NUP188: variants seen among roughly 807,000 people sequenced by gnomAD.
NUP188 encodes nucleoporin 188.
Under a neutral mutation model 223.0 loss-of-function variants are expected in NUP188, and 97 were observed. The ratio of observed to expected loss-of-function variants is 0.43; its 90% CI spans 0.37 to 0.51. The LOEUF is 0.51. NUP188 is among the 20% of genes least tolerant of loss of function. The pLI is 0.00. For missense variants in NUP188, 1,947 were observed against 2,175.6 expected, an observed-to-expected ratio of 0.89 and a Z score of 2.09; for synonymous variants, 869 against 828.0, an observed-to-expected ratio of 1.05 and a Z score of -0.85.
intron 8 of NUP188, among the ~76,000 whole-genome samples, chr9:128,963,360 A>AC (rs1460708727): frequency 1.4e-5 from 2 of 145,326 alleles, no homozygotes; most frequent in African/African-American, 2.6e-5. Context: ...ATTTCGACTC[A>AC]CTGCAACCTC....
chr9:128,980,829 A>G lies in NUP188; in HGVS notation c.1389+104A>G. 4.9e-6 allele frequency: 6 copies of G among 1,222,470 alleles called. No individual in the cohort carries two copies. The South Asian group carries it at 8.8e-5, about 18-fold the overall frequency. 75.7% of individuals were successfully genotyped at this position (1,222,470 alleles called of 1,614,324 possible). A position where few individuals can be genotyped will look rare whatever the true frequency, so the allele number is the denominator to read the frequency against. On this transcript the variant is annotated intron_variant, in intron 14 of 43. Coordinates refer to ENST00000372577, the MANE Select transcript of NUP188 (RefSeq NM_015354.3). Reference sequence around the variant, plus strand: ...ACATTGCAGTTCTACTGCCATGACAAAAGTTTGTCTGAAGGTGAATGAAAG... The same window carrying G: ...ACATTGCAGTTCTACTGCCATGACAGAAGTTTGTCTGAAGGTGAATGAAAG...
At chr9:128,986,946 G>A (rs993970662) in intron 22 of NUP188, 71 bp downstream of exon 22, 18 of 1,352,414 alleles carry the variant, frequency 1.3e-5, no homozygotes, top group East Asian at 4.6e-5. Flanking sequence ...GTGCAAAGCC[G>A]TCTCAGTTCT....
rs749678344 is a variant in NUP188 at position 128,969,532 on chromosome 9, C to CT, written c.912+26dup. 6.3e-5 allele frequency: 88 copies of CT among 1,393,350 alleles called. No homozygotes were observed. The highest frequency in any genetic ancestry group is 7.5e-5 in the East Asian group (3 of 40,240). 86.3% of individuals were successfully genotyped at this position (1,393,350 alleles called of 1,614,324 possible). The stretch of plus-strand genomic sequence containing the variant: ...TTTGTCAGGTGACTTGGAATAGCCT[C>CT]TTTTTTTTCAGAGGGTTTATAAGTT... On this transcript the variant is annotated intron_variant, in intron 10 of 43. Transcript: ENST00000372577.
intron 3 of NUP188, 37 bp downstream of exon 3, chr9:128,952,883 C>T: frequency 4.0e-6 from 6 of 1,510,436 alleles, no homozygotes; most frequent in Non-Finnish European, 5.5e-6. Flanking sequence ...AAGTAATTGT[C>T]CTAAGGAAGC....
Position 128,980,721 on chromosome 9 carries a change from A to G in NUP188, c.1385A>G (p.Lys462Arg), listed in dbSNP as rs777074765. The G allele has an allele frequency of 6.2e-7, 1 of 1,613,886 alleles. No individual in the cohort carries two copies. Among genetic ancestry groups the G allele is most frequent in the Non-Finnish European group, 8.5e-7 (1 of 1,179,930 alleles). Residue 462 changes from lysine (K) to arginine (R), a missense_variant, in exon 14 of 44, where the codon AAA becomes AGA. Around this residue, in one of 3 missense-constraint regions of NUP188, gnomAD observed 817 missense variants for 865.8 expected, o/e 0.94. Transcript: ENST00000372577. ...CTGGTATCAGGGAAGTCCACAGCCA[A>G]AAAGGTAAGTTGCTTAGTCAGATAA... ...RALVSGKSTA[K>R]KVYSFLDKMS...
intron 13 of NUP188, among the ~76,000 whole-genome samples, chr9:128,980,107 G>T (rs1435618985): frequency 2.0e-5 from 3 of 152,212 alleles, no homozygotes; most frequent in Non-Finnish European, 4.4e-5. Flanking sequence ...ACCAGTACTT[G>T]CTCTGAGCAT....
intron 13 of NUP188, among the ~76,000 whole-genome samples, chr9:128,979,772 A>AT: frequency 6.6e-6 from 1 of 152,154 alleles, no homozygotes; most frequent in Non-Finnish European, 1.5e-5. Context: ...AGCTGGGATT[A>AT]CAGGCGCCCG....
chr9:128,963,104 A>G (rs1841978153), intron 8 of NUP188, among the ~76,000 whole-genome samples: 1 of 152,136 alleles, frequency 6.6e-6, no homozygotes, highest in Admixed American at 6.6e-5. Context: ...CATTGTGTGG[A>G]TATACCATAT....
intron 4 of NUP188, among the ~76,000 whole-genome samples, 188 bp from the exon 5 acceptor site, chr9:128,956,764 T>G (rs1047196031): frequency 6.6e-6 from 1 of 152,186 alleles, no homozygotes; most frequent in Non-Finnish European, 1.5e-5. Flanking sequence ...TTAATTGTAA[T>G]AAAAATTGTA....
chr9:128,950,814 A>T (rs1272751020), intron 2 of NUP188, among the ~76,000 whole-genome samples: 1 of 152,172 alleles, frequency 6.6e-6, no homozygotes, highest in African/African-American at 2.4e-5. Flanking sequence ...AGACACATCG[A>T]GACCCCAGCT....
intron 15 of NUP188, 150 bp from the exon 16 acceptor site, chr9:128,982,399 C>A: frequency 1.5e-6 from 1 of 687,352 alleles, no homozygotes; most frequent in Non-Finnish European, 2.4e-6. Flanking sequence ...CACTGCACTC[C>A]AGCCTGGGCA....
At chr9:128,959,792 G>A (rs2131144244) in intron 8 of NUP188, among the ~76,000 whole-genome samples, 1 of 152,134 alleles carries the variant, frequency 6.6e-6, no homozygotes, top group Admixed American at 6.5e-5. Flanking sequence ...CACCTGCTTT[G>A]GCCTCCAAGT....
At chr9:128,951,047 C>T (rs985990842) in intron 2 of NUP188, among the ~76,000 whole-genome samples, 2 of 152,146 alleles carry the variant, frequency 1.3e-5, no homozygotes. Flanking sequence ...CATGGTGGCT[C>T]ACGCCTGTAA....
At position 129,005,315 on chromosome 9, in the gene NUP188, G is replaced by A. The variant is rs1842764221; in HGVS notation, c.4522G>A (p.Asp1508Asn). ...LQHYLQNKNG[D>N]GLPSAVAQRV... is the part of the protein sequence containing the mutation. ...TGACTCTCCTTAGAACAAAAATGGG[G>A]ATGGCCTCCCCTCAGCTGTTGCCCA... Residue 1508 changes from aspartate (D) to asparagine (N), a missense_variant, in exon 40 of 44, where the codon GAT (aspartate) becomes AAT (asparagine). Transcript: ENST00000372577. The A allele has an allele frequency of 1.2e-6, 2 of 1,613,940 alleles. No individual in the cohort carries two copies. The highest frequency in any genetic ancestry group is 1.6e-4 in the Middle Eastern group (1 of 6,084).
chr9:129,002,058 CG>C (rs1431250500), intron 36 of NUP188, 82 bp downstream of exon 36: 9 of 1,141,994 alleles, frequency 7.9e-6, no homozygotes, highest in South Asian at 5.0e-5. Context: ...TACCTTTCCC[CG>C]GAAGTTGCTT....
At chr9:128,956,767 A>G (rs887303840) in intron 4 of NUP188, among the ~76,000 whole-genome samples, 185 bp from the exon 5 acceptor site, 5 of 152,188 alleles carry the variant, frequency 3.3e-5, no homozygotes, top group African/African-American at 1.2e-4. Context: ...ATTGTAATAA[A>G]AATTGTATGT....
intron 24 of NUP188, among the ~76,000 whole-genome samples, chr9:128,989,599 C>T (rs1459424961): frequency 6.6e-6 from 1 of 151,936 alleles, no homozygotes; most frequent in Non-Finnish European, 1.5e-5. Context: ...TTTGGGAGGC[C>T]GAGGTGGGTG....
At chr9:128,966,887 A>G (rs1402893210) in intron 8 of NUP188, among the ~76,000 whole-genome samples, 1 of 152,200 alleles carries the variant, frequency 6.6e-6, no homozygotes, top group Non-Finnish European at 1.5e-5. Flanking sequence ...AAAATCAATG[A>G]TGGCATTTAT....
intron 12 of NUP188, among the ~76,000 whole-genome samples, chr9:128,975,295 C>T (rs1339397760): frequency 1.4e-5 from 2 of 142,570 alleles, no homozygotes; most frequent in African/African-American, 2.7e-5. Context: ...ATGATCTTGG[C>T]TCACTGCAAG....
Sources: gnomAD v4.1 joint callset for allele counts (sites outside exome capture counted in the v4.1 genomes callset) on GRCh38, gnomAD v4.1.1 for gene constraint, gnomAD v4.1.1 regional missense constraint, MANE v1.5 for transcripts, NCBI Gene and HGNC (gene_info 2026-07-23, HGNC 2026-07-21) for gene names.